Variants in TBCD observed in about 807,000 individuals in gnomAD.
TBCD encodes the protein tubulin folding cofactor D, also known as tubulin-specific chaperone D.
TBCD carries 105 observed loss-of-function variants against 169.3 expected under a neutral mutation model. The ratio of observed to expected loss-of-function variants is 0.62; its 90% CI spans 0.53 to 0.73. The LOEUF is 0.73. Among genes scored for constraint, TBCD ranks in the 30% least tolerant of loss-of-function variants. TBCD has a pLI of 0.00. For missense variants in TBCD, 1,444 were observed against 1,600.1 expected, an observed-to-expected ratio of 0.90 and a Z score of 1.66; for synonymous variants, 700 against 643.9, an observed-to-expected ratio of 1.09 and a Z score of -1.32.
At chr17:82,893,283 A>G in intron 16 of TBCD, 1 of 491,346 alleles carries the variant, frequency 2.0e-6, no homozygotes, top group South Asian at 2.8e-5. Context: ...CCGAAGTGGA[A>G]ATGTTTGAGT....
chr17:82,795,266 A>G (rs2050018764), intron 7 of TBCD, among the ~76,000 whole-genome samples: 2 of 152,178 alleles, frequency 1.3e-5, no homozygotes, highest in South Asian at 4.1e-4. Context: ...GGGACACGTC[A>G]GCCTGTTGCC....
intron 6 of TBCD, among the ~76,000 whole-genome samples, chr17:82,777,713 C>G (rs2048688427): frequency 6.6e-6 from 1 of 152,212 alleles, no homozygotes; most frequent in Non-Finnish European, 1.5e-5. Flanking sequence ...TGAAGGCAGA[C>G]TAGGAGCGTG....
intron 5 of TBCD, among the ~76,000 whole-genome samples, chr17:82,769,613 A>G (rs1184042816): frequency 6.6e-6 from 1 of 152,062 alleles, no homozygotes; most frequent in Non-Finnish European, 1.5e-5. Flanking sequence ...ATGGTGGGTC[A>G]CTCCTGTAAT....
At position 82,766,250 on chromosome 17, in the gene TBCD, A is replaced by G; in HGVS notation, c.334-17A>G. Reference sequence around the variant, plus strand: ...GTATTTTTAAATGTTATAATTCAGCATCTCTTTATTTGATAGGTTCGAGGC... The same window carrying G: ...GTATTTTTAAATGTTATAATTCAGCGTCTCTTTATTTGATAGGTTCGAGGC... On this transcript the variant is annotated splice_polypyrimidine_tract_variant and intron_variant, in intron 3 of 38. Coordinates refer to ENST00000355528, the MANE Select transcript of TBCD (RefSeq NM_005993.5). 6.3e-7 allele frequency: 1 copy of G among 1,590,380 alleles called. No homozygotes were observed. The highest frequency in any genetic ancestry group is 8.6e-7 in the Non-Finnish European group (1 of 1,165,874).
At chr17:82,870,726 G>A (rs1357126512) in intron 14 of TBCD, among the ~76,000 whole-genome samples, 2 of 152,266 alleles carry the variant, frequency 1.3e-5, no homozygotes, top group Non-Finnish European at 2.9e-5. Context: ...TGATCGGCAC[G>A]CTGGGTGGCG....
chr17:82,753,224 G>A (rs1348550483), intron 1 of TBCD, among the ~76,000 whole-genome samples: 1 of 152,122 alleles, frequency 6.6e-6, no homozygotes, highest in Non-Finnish European at 1.5e-5. Context: ...GGCAGGGTGG[G>A]GGGCCTTGTG....
intron 8 of TBCD, among the ~76,000 whole-genome samples, chr17:82,799,815 G>A (rs1161240800): frequency 2.0e-5 from 3 of 152,320 alleles, no homozygotes; most frequent in South Asian, 4.1e-4. Context: ...TGTCACCCAC[G>A]CTCATTGTGC....
chr17:82,939,834 A>C (rs1159063320), intron 37 of TBCD, among the ~76,000 whole-genome samples: 2 of 152,198 alleles, frequency 1.3e-5, no homozygotes, highest in African/African-American at 4.8e-5. Flanking sequence ...CTCTTGGAAT[A>C]GGCCGTGTGA....
chr17:82,905,206 G>A (rs1273615819), intron 19 of TBCD, among the ~76,000 whole-genome samples: 1 of 152,242 alleles, frequency 6.6e-6, no homozygotes, highest in African/African-American at 2.4e-5. Flanking sequence ...AGGCAGCCAG[G>A]CAGAGCTCCT....
chr17:82,887,129 C>CTGTGTGTGTG (rs1491345032), intron 15 of TBCD, among the ~76,000 whole-genome samples: 6 of 66,212 alleles, frequency 9.1e-5, no homozygotes, highest in Admixed American at 5.2e-4. Context: ...TTTACCTGTA[C>CTGTGTGTGTG]TCTGTGTGTG....
At chr17:82,926,331 T>G (rs1462760595) in intron 27 of TBCD, 69 bp from the exon 28 acceptor site, 1 of 1,482,378 alleles carries the variant, frequency 6.7e-7, no homozygotes, top group African/African-American at 1.4e-5. Flanking sequence ...GGGCCAACAT[T>G]GCCACCTCCC....
chr17:82,902,385 C>T (rs928078033), intron 18 of TBCD, among the ~76,000 whole-genome samples: 1 of 152,246 alleles, frequency 6.6e-6, no homozygotes, highest in African/African-American at 2.4e-5. Flanking sequence ...GCGAAGAGGC[C>T]TCGGGCTGGG....
At chr17:82,876,749 G>A (rs534667508) in intron 14 of TBCD, among the ~76,000 whole-genome samples, 5 of 152,302 alleles carry the variant, frequency 3.3e-5, no homozygotes, top group South Asian at 2.1e-4. Flanking sequence ...AAATATACAC[G>A]CAACAGCAAC....
At chr17:82,940,652 G>T (rs1393853373) in intron 37 of TBCD, among the ~76,000 whole-genome samples, 1 of 152,170 alleles carries the variant, frequency 6.6e-6, no homozygotes, top group African/African-American at 2.4e-5. Context: ...ACAAACACGT[G>T]GTCCCAGGAG....
At chr17:82,786,756 T>C (rs1401094958) in intron 7 of TBCD, among the ~76,000 whole-genome samples, 1 of 151,806 alleles carries the variant, frequency 6.6e-6, no homozygotes, top group Non-Finnish European at 1.5e-5. Context: ...CTTCTCGGCT[T>C]GGGAGGGTCT....
chr17:82,861,708 G>A (rs2056779831), intron 13 of TBCD, among the ~76,000 whole-genome samples: 1 of 152,182 alleles, frequency 6.6e-6, no homozygotes, highest in African/African-American at 2.4e-5. Context: ...GTGCTGGTGT[G>A]GCCGTGGCAC....
At chr17:82,822,873 G>A (rs570242017) in intron 13 of TBCD, among the ~76,000 whole-genome samples, 2 of 152,310 alleles carry the variant, frequency 1.3e-5, no homozygotes, top group African/African-American at 4.8e-5. Context: ...GTTCACACAG[G>A]AGGGAGTGAG....
chr17:82,776,281 G>T (rs1214866620), intron 6 of TBCD, among the ~76,000 whole-genome samples: 1 of 152,002 alleles, frequency 6.6e-6, no homozygotes, highest in East Asian at 1.9e-4. Context: ...GTGGTGGCAC[G>T]CACCTGTGGT....
At position 82,832,250 on chromosome 17, in the gene TBCD, T is replaced by C. The variant is rs751118060; in HGVS notation, c.1318+17316T>C. 1 of 1,614,230 alleles carries C rather than the reference T, an allele frequency of 6.2e-7. No homozygotes were observed. The highest frequency in any genetic ancestry group is 2.2e-5 in the East Asian group (1 of 44,884). ...TTGGTTTGCTTGGGGTCTAGTGAGT[T>C]AGATTTAGGGCACTTGGGAACTCGA... On this transcript the variant is annotated intron_variant, in intron 13 of 38. Coordinates refer to ENST00000355528, the MANE Select transcript of TBCD (RefSeq NM_005993.5). The surrounding 1 kb of genome is among the most constrained non-coding windows in gnomAD (Gnocchi z 4.9).
Sources: allele counts gnomAD v4.1 joint callset (sites outside exome capture counted in the v4.1 genomes callset), GRCh38; gene constraint gnomAD v4.1.1; non-coding constraint Gnocchi (gnomAD v3.1); transcripts MANE v1.5; gene names NCBI Gene and HGNC (gene_info 2026-07-23, HGNC 2026-07-21).